TENM2: variants seen among roughly 807,000 people sequenced by gnomAD.
The protein encoded by TENM2 is teneurin-2.
TENM2 carries 52 observed loss-of-function variants against 245.2 expected under a neutral mutation model. The observed-to-expected ratio is 0.21, with a 90% CI of 0.17 to 0.27. TENM2 has a LOEUF of 0.27. TENM2 is among the 10% of genes least tolerant of loss of function. The pLI is 1.00. For synonymous variants in TENM2, 1,363 were observed against 1,438.9 expected, an observed-to-expected ratio of 0.95 and a Z score of 1.19; for missense variants, 3,046 against 3,666.8, an observed-to-expected ratio of 0.83 and a Z score of 4.37.
At chr5:167,071,899 C>G in the TENM2 span, among the ~76,000 whole-genome samples, 3,828 of 149,798 alleles carry the variant, frequency 0.026, 75 homozygotes, top group South Asian at 0.082. Flanking sequence ...CCCCCAACCC[C>G]CAACCGTCTG....
chr5:167,487,138 C>T lies in TENM2; in HGVS notation c.502+111665C>T, dbSNP rs35812727. ...GGTCTGTGGAGATTTTCTTTGAGGA[C>T]GCAGGCCATAATCTAGTCCAATTCT... is the stretch of plus-strand genomic sequence containing the variant. On this transcript the variant is annotated intron_variant, in intron 2 of 28. Transcript: ENST00000518659. 2.4e-3 allele frequency among the ~76,000 whole-genome samples: 368 copies of T among 152,148 alleles called. 1 individual carries two copies. Among genetic ancestry groups the T allele is most frequent in the Middle Eastern group, 0.01 (3 of 294 alleles).
intron 9 of TENM2, among the ~76,000 whole-genome samples, chr5:168,100,177 A>G (rs1793692642): frequency 6.6e-6 from 1 of 152,198 alleles, no homozygotes; most frequent in African/African-American, 2.4e-5. Context: ...TGCAAACCAC[A>G]ATGAGATACC....
At chr5:168,188,850 C>T (rs1760705629) in intron 13 of TENM2, among the ~76,000 whole-genome samples, 1 of 152,162 alleles carries the variant, frequency 6.6e-6, no homozygotes, top group Admixed American at 6.5e-5. Context: ...CAGAATGCTT[C>T]TTTGAGAACC....
At chr5:166,996,609 A>T in the TENM2 span, among the ~76,000 whole-genome samples, 1 of 152,136 alleles carries the variant, frequency 6.6e-6, no homozygotes, top group East Asian at 1.9e-4. Context: ...TGGTTTGCAG[A>T]GGTTAAAGGG....
chr5:168,047,018 C>G (rs940601427), intron 5 of TENM2, among the ~76,000 whole-genome samples: 1 of 152,186 alleles, frequency 6.6e-6, no homozygotes, highest in Admixed American at 6.5e-5. Context: ...TTTGGGGAAA[C>G]AATCCTTGTC....
At chr5:167,016,951 G>C in the TENM2 span, among the ~76,000 whole-genome samples, 1 of 152,150 alleles carries the variant, frequency 6.6e-6, no homozygotes, top group East Asian at 1.9e-4. Context: ...ATTGCAAATC[G>C]CATCAGTCAT....
At chr5:167,801,109 AAT>A (rs869282464) in intron 2 of TENM2, among the ~76,000 whole-genome samples, 1,185 of 66,308 alleles carry the variant, frequency 0.018, 8 homozygotes, top group Non-Finnish European at 0.024. Flanking sequence ...AAAAAAAAAA[AAT>A]ATATATATAT....
chr5:167,498,426 G>A (rs1237749974), intron 2 of TENM2, among the ~76,000 whole-genome samples: 1 of 152,006 alleles, frequency 6.6e-6, no homozygotes, highest in Non-Finnish European at 1.5e-5. Context: ...AATATTTTCT[G>A]ACATAACTTC....
At chr5:167,065,084 T>C in the TENM2 span, among the ~76,000 whole-genome samples, 2 of 152,046 alleles carry the variant, frequency 1.3e-5, no homozygotes, top group Non-Finnish European at 2.9e-5. Flanking sequence ...TAAATTTTAT[T>C]TTTTTATTTT....
intron 9 of TENM2, among the ~76,000 whole-genome samples, chr5:168,107,558 G>A (rs574479248): frequency 2.0e-5 from 2 of 100,804 alleles, no homozygotes; most frequent in Admixed American, 1.2e-4. Context: ...AGCCTCCTGG[G>A]GGGGGGGTCT....
the TENM2 span, among the ~76,000 whole-genome samples, chr5:167,008,301 C>A: frequency 3.6e-4 from 54 of 152,072 alleles, no homozygotes; most frequent in Non-Finnish European, 5.3e-4. Context: ...AACATTCAGA[C>A]TGCTGAATAA....
intron 2 of TENM2, among the ~76,000 whole-genome samples, chr5:167,554,360 G>A (rs1173142686): frequency 1.3e-5 from 2 of 152,162 alleles, no homozygotes; most frequent in Admixed American, 6.5e-5. Flanking sequence ...TAAAAGGAGT[G>A]ATGATTATTT....
chr5:167,869,967 A>C (rs1772674161), intron 2 of TENM2, among the ~76,000 whole-genome samples: 1 of 152,180 alleles, frequency 6.6e-6, no homozygotes, highest in African/African-American at 2.4e-5. Context: ...GGCTTCACAA[A>C]CCCCAAAGAT....
intron 2 of TENM2, among the ~76,000 whole-genome samples, chr5:167,548,798 T>C (rs1294819168): frequency 1.3e-5 from 2 of 152,142 alleles, no homozygotes; most frequent in Non-Finnish European, 2.9e-5. Flanking sequence ...AGCTCTCTAA[T>C]GTATTTTTCA....
the TENM2 span, among the ~76,000 whole-genome samples, chr5:167,151,603 C>T: frequency 6.6e-6 from 1 of 152,104 alleles, no homozygotes; most frequent in Non-Finnish European, 1.5e-5. Flanking sequence ...ACTGCAAGTT[C>T]CACCTCCCGG....
intron 1 of TENM2, among the ~76,000 whole-genome samples, chr5:167,323,512 A>T (rs768412327): frequency 6.6e-6 from 1 of 151,958 alleles, no homozygotes; most frequent in Non-Finnish European, 1.5e-5. Flanking sequence ...AATATCTAAC[A>T]CCTCTGAGTT....
At chr5:167,068,124 G>A in the TENM2 span, among the ~76,000 whole-genome samples, 1 of 152,124 alleles carries the variant, frequency 6.6e-6, no homozygotes, top group South Asian at 2.1e-4. Context: ...TGTATTTTAG[G>A]CTGCTCGAAT....
At chr5:167,745,758 G>A (rs1021639839) in intron 2 of TENM2, among the ~76,000 whole-genome samples, 7 of 152,032 alleles carry the variant, frequency 4.6e-5, no homozygotes, top group African/African-American at 1.7e-4. Flanking sequence ...CTTATCAATG[G>A]GCTTATATAA....
the TENM2 span, among the ~76,000 whole-genome samples, chr5:167,005,520 G>T: frequency 2.0e-5 from 3 of 151,648 alleles, no homozygotes; most frequent in East Asian, 5.8e-4. Context: ...TGAATAATGC[G>T]TACTATACTG....
Sources: allele counts gnomAD v4.1 joint callset (sites outside exome capture counted in the v4.1 genomes callset), GRCh38; gene constraint gnomAD v4.1.1; transcripts MANE v1.5; gene names NCBI Gene and HGNC (gene_info 2026-07-23, HGNC 2026-07-21).